TENM2: variants seen among roughly 807,000 people sequenced by gnomAD.
TENM2 encodes teneurin-2.
In TENM2, 52 loss-of-function variants were observed where a neutral mutation model predicts 245.2. The ratio of observed to expected loss-of-function variants is 0.21; its 90% CI spans 0.17 to 0.27. TENM2 has a LOEUF of 0.27. TENM2 is among the 10% of genes least tolerant of loss of function. The pLI, the probability that TENM2 is intolerant of heterozygous loss-of-function variation, is 1.00. For synonymous variants in TENM2, 1,363 were observed against 1,438.9 expected (o/e 0.95, Z 1.19); for missense variants, 3,046 against 3,666.8 (o/e 0.83, Z 4.37).
chr5:167,559,532 A>G (rs1773458377), intron 2 of TENM2, among the ~76,000 whole-genome samples: 1 of 152,220 alleles, frequency 6.6e-6, no homozygotes, highest in Non-Finnish European at 1.5e-5. Flanking sequence ...TGCAGTTTAC[A>G]GTCCTCAGAA....
the TENM2 span, among the ~76,000 whole-genome samples, chr5:167,275,995 A>G: frequency 6.6e-6 from 1 of 151,982 alleles, no homozygotes; most frequent in Non-Finnish European, 1.5e-5. Context: ...AATGAATTAC[A>G]TTCATTGCCT....
intron 8 of TENM2, among the ~76,000 whole-genome samples, chr5:168,094,861 T>C (rs1793228907): frequency 6.6e-6 from 1 of 152,254 alleles, no homozygotes; most frequent in East Asian, 1.9e-4. Flanking sequence ...TTGCTTGCAT[T>C]ACTGACTGAG....
At chr5:167,810,724 A>G (rs1218019854) in intron 2 of TENM2, among the ~76,000 whole-genome samples, 1 of 152,168 alleles carries the variant, frequency 6.6e-6, no homozygotes, top group Non-Finnish European at 1.5e-5. Context: ...AAGTGCAACA[A>G]TTGGCCCCAG....
chr5:167,517,221 T>C (rs975113272), intron 2 of TENM2, among the ~76,000 whole-genome samples: 1 of 152,218 alleles, frequency 6.6e-6, no homozygotes, highest in Non-Finnish European at 1.5e-5. Flanking sequence ...GACACTTCAT[T>C]GTAATTCTCA....
chr5:167,630,278 T>C (rs1778782240), intron 2 of TENM2, among the ~76,000 whole-genome samples: 1 of 152,072 alleles, frequency 6.6e-6, no homozygotes, highest in African/African-American at 2.4e-5. Context: ...TAGGGTTACC[T>C]GAACACAAGC....
At chr5:167,537,250 CAAAA>C (rs386405596) in intron 2 of TENM2, among the ~76,000 whole-genome samples, 4 of 108,728 alleles carry the variant, frequency 3.7e-5, no homozygotes, top group East Asian at 2.9e-4. Flanking sequence ...CCATCTCTAC[CAAAA>C]AAAAAAAAAA....
rs568424934 is a variant in TENM2, at chr5:167,780,944, TG to T, written c.503-95041del. 2.0e-5 allele frequency among the ~76,000 whole-genome samples: 3 copies of T among 152,342 alleles called. No individual in the cohort carries two copies. In the East Asian group the frequency reaches 5.8e-4, roughly 29 times the overall value. ...ACACTTTTGTTTCCACTTATTTATT[TG>T]TTTTTTTGACATTTTTATTATTTGT... On this transcript the variant is annotated intron_variant, in intron 2 of 28. Transcript: ENST00000518659.
intron 2 of TENM2, among the ~76,000 whole-genome samples, chr5:167,404,332 A>C (rs1762516533): frequency 6.6e-6 from 1 of 152,092 alleles, no homozygotes; most frequent in Non-Finnish European, 1.5e-5. Flanking sequence ...ATTTGGGGTT[A>C]TGAAAAATGA....
chr5:168,156,227 G>T (rs1253222738), intron 12 of TENM2, among the ~76,000 whole-genome samples: 1 of 110,916 alleles, frequency 9.0e-6, no homozygotes, highest in African/African-American at 3.8e-5. Context: ...TCCAAACCAG[G>T]TTAAGGTTTT....
At chr5:167,316,810 T>C (rs1246643979) in intron 1 of TENM2, among the ~76,000 whole-genome samples, 2 of 152,190 alleles carry the variant, frequency 1.3e-5, no homozygotes, top group Non-Finnish European at 2.9e-5. Context: ...AACAAGTGAA[T>C]TTAAATTGAT....
intron 2 of TENM2, among the ~76,000 whole-genome samples, chr5:167,700,669 C>T (rs1758077513): frequency 6.6e-6 from 1 of 152,090 alleles, no homozygotes; most frequent in African/African-American, 2.4e-5. Flanking sequence ...CTAATTTAAT[C>T]AGCATGGCCA....
chr5:167,415,209 C>A (rs1159254102), intron 2 of TENM2, among the ~76,000 whole-genome samples: 1 of 152,020 alleles, frequency 6.6e-6, no homozygotes, highest in Non-Finnish European at 1.5e-5. Context: ...ATAGGTAAGT[C>A]CCTTTTCATG....
the TENM2 span, among the ~76,000 whole-genome samples, chr5:167,062,216 TG>T: frequency 6.6e-6 from 1 of 152,206 alleles, no homozygotes; most frequent in African/African-American, 2.4e-5. Flanking sequence ...GAGCATTTTT[TG>T]TTGTTGCTCT....
At chr5:167,077,657 C>A in the TENM2 span, among the ~76,000 whole-genome samples, 1 of 152,144 alleles carries the variant, frequency 6.6e-6, no homozygotes, top group African/African-American at 2.4e-5. Flanking sequence ...GTCACTTATG[C>A]TGAAGTGAGA....
chr5:167,970,561 A>G (rs1781701901), intron 4 of TENM2, among the ~76,000 whole-genome samples: 1 of 152,200 alleles, frequency 6.6e-6, no homozygotes, highest in African/African-American at 2.4e-5. Context: ...TTGCTTTTTA[A>G]TAAAACCATG....
chr5:167,510,250 C>T (rs570729768), intron 2 of TENM2, among the ~76,000 whole-genome samples: 1 of 152,294 alleles, frequency 6.6e-6, no homozygotes, highest in Admixed American at 6.5e-5. Context: ...GTGACTTTCT[C>T]TTATGTCTTC....
the TENM2 span, among the ~76,000 whole-genome samples, chr5:167,094,952 G>A: frequency 6.6e-6 from 1 of 152,164 alleles, no homozygotes. Flanking sequence ...CCTGAGTTGG[G>A]TAGCTGAGAT....
intron 3 of TENM2, among the ~76,000 whole-genome samples, chr5:167,880,793 A>G (rs1040045470): frequency 4.6e-5 from 7 of 152,248 alleles, no homozygotes; most frequent in Admixed American, 4.6e-4. Context: ...ACTTGACTTG[A>G]TCAATAGAAA....
intron 5 of TENM2, chr5:168,033,013 C>T (rs1284176972): frequency 6.6e-6 from 1 of 152,150 alleles, no homozygotes; most frequent in Non-Finnish European, 1.5e-5. Context: ...TTTTATTTCA[C>T]AGATATTACT....
Sources: allele counts gnomAD v4.1 joint callset (sites outside exome capture counted in the v4.1 genomes callset), GRCh38; gene constraint gnomAD v4.1.1; transcripts MANE v1.5; gene names NCBI Gene and HGNC (gene_info 2026-07-23, HGNC 2026-07-21).